The following FTCDNL1 variants were observed in gnomAD, a reference collection of about 807,000 sequenced individuals.
FTCDNL1 encodes formiminotransferase cyclodeaminase N-terminal like, also known as formiminotransferase N-terminal subdomain-containing protein.
A neutral mutation model predicts 5.9 loss-of-function variants in FTCDNL1; 11 were observed. The observed-to-expected ratio is 1.87, with a 90% CI of 1.18 to 3.10. FTCDNL1 has a LOEUF of 3.10. Ranked by LOEUF, FTCDNL1 falls within the 30% of genes most tolerant of loss-of-function variation. FTCDNL1 has a pLI of 0.00. For missense variants in FTCDNL1, 115 were observed against 65.5 expected (o/e 1.76, Z -2.61); for synonymous variants, 58 against 24.8 (o/e 2.34, Z -3.99).
chr2:199,835,230 T>C (rs1175546597), intron 3 of FTCDNL1, among the ~76,000 whole-genome samples: 2 of 152,154 alleles, frequency 1.3e-5, no homozygotes, highest in African/African-American at 2.4e-5. Flanking sequence ...ATTGTCACTA[T>C]AACAATCCTA....
intron 3 of FTCDNL1, among the ~76,000 whole-genome samples, chr2:199,778,820 A>G (rs1413434850): frequency 6.6e-5 from 10 of 152,216 alleles, no homozygotes; most frequent in South Asian, 2.1e-4. Flanking sequence ...TCCTGAAATG[A>G]TGACATTCTA....
chr2:199,733,142 G>A, the FTCDNL1 span, among the ~76,000 whole-genome samples: 1 of 152,202 alleles, frequency 6.6e-6, no homozygotes, highest in African/African-American at 2.4e-5. Context: ...AGCACAGAAT[G>A]ATGGAAAGGA....
chr2:199,760,212 A>C (rs1032124696), downstream of FTCDNL1, among the ~76,000 whole-genome samples: 5 of 145,698 alleles, frequency 3.4e-5, no homozygotes, highest in African/African-American at 1.2e-4. Flanking sequence ...GAACTAAAAA[A>C]AAAAAAACAA....
At chr2:199,699,163 A>G in the FTCDNL1 span, among the ~76,000 whole-genome samples, 1 of 152,184 alleles carries the variant, frequency 6.6e-6, no homozygotes, top group Non-Finnish European at 1.5e-5. Context: ...CAATGGATTC[A>G]CAGATGTATA....
chr2:199,807,006 A>T (rs1366042419), downstream of FTCDNL1, among the ~76,000 whole-genome samples: 4 of 152,356 alleles, frequency 2.6e-5, no homozygotes, highest in Non-Finnish European at 5.9e-5. Flanking sequence ...AGTAAGATTT[A>T]AAAAACAAAT....
chr2:199,816,360 T>C (rs1701352111), intron 4 of FTCDNL1, among the ~76,000 whole-genome samples: 1 of 152,166 alleles, frequency 6.6e-6, no homozygotes, highest in Non-Finnish European at 1.5e-5. Flanking sequence ...TGTGCTCCTT[T>C]TCCCTTCTTA....
chr2:199,780,806 C>G (rs900918551), intron 3 of FTCDNL1, among the ~76,000 whole-genome samples: 3 of 152,202 alleles, frequency 2.0e-5, no homozygotes, highest in Non-Finnish European at 4.4e-5. Context: ...CCACTGTCAC[C>G]ATTAAGTACC....
At chr2:199,695,306 AT>A in the FTCDNL1 span, among the ~76,000 whole-genome samples, 1 of 152,176 alleles carries the variant, frequency 6.6e-6, no homozygotes, top group South Asian at 2.1e-4. Flanking sequence ...TATATATCTA[AT>A]TTTTAAACAT....
intron 3 of FTCDNL1, among the ~76,000 whole-genome samples, chr2:199,831,273 T>G (rs1394363749): frequency 6.6e-6 from 1 of 152,232 alleles, no homozygotes; most frequent in Non-Finnish European, 1.5e-5. Flanking sequence ...ATAAAATTAA[T>G]CTGGAAAAAA....
the FTCDNL1 span, among the ~76,000 whole-genome samples, chr2:199,684,300 A>G: frequency 6.6e-6 from 1 of 152,190 alleles, no homozygotes; most frequent in Non-Finnish European, 1.5e-5. Flanking sequence ...ATTATTACCC[A>G]AGTAAGTTGA....
chr2:199,672,769 C>A, the FTCDNL1 span, among the ~76,000 whole-genome samples: 1 of 152,022 alleles, frequency 6.6e-6, no homozygotes, highest in Non-Finnish European at 1.5e-5. Flanking sequence ...TCTAACATAG[C>A]AGCCTGAGCC....
chr2:199,808,307 G>A (rs1405214008), downstream of FTCDNL1, among the ~76,000 whole-genome samples: 1 of 152,166 alleles, frequency 6.6e-6, no homozygotes, highest in Non-Finnish European at 1.5e-5. Context: ...ACTTAGTAAA[G>A]TTATCTTATT....
the FTCDNL1 span, among the ~76,000 whole-genome samples, chr2:199,694,135 C>G: frequency 6.6e-6 from 1 of 152,128 alleles, no homozygotes; most frequent in Non-Finnish European, 1.5e-5. Context: ...GCAAGTTGCC[C>G]TTGCCCCCTG....
At chr2:199,694,197 G>C in the FTCDNL1 span, among the ~76,000 whole-genome samples, 1 of 152,218 alleles carries the variant, frequency 6.6e-6, no homozygotes, top group Admixed American at 6.5e-5. Flanking sequence ...CTGGAAGGAT[G>C]TGAGACTCCT....
the FTCDNL1 span, among the ~76,000 whole-genome samples, chr2:199,680,165 T>C: frequency 6.6e-6 from 1 of 152,178 alleles, no homozygotes; most frequent in Non-Finnish European, 1.5e-5. Context: ...ATTAAATAAA[T>C]ACAGGTTGGA....
At chr2:199,702,352 T>A in the FTCDNL1 span, among the ~76,000 whole-genome samples, 3 of 152,094 alleles carry the variant, frequency 2.0e-5, no homozygotes, top group Middle Eastern at 3.2e-3. Context: ...AGTCATCACA[T>A]GGTAACAAAG....
chr2:199,715,689 A>C, the FTCDNL1 span, among the ~76,000 whole-genome samples: 1 of 152,218 alleles, frequency 6.6e-6, no homozygotes, highest in African/African-American at 2.4e-5. Flanking sequence ...CAACCCTATG[A>C]GGTGCAGAGC....
At chr2:199,789,131 G>A (rs1317130045) in intron 3 of FTCDNL1, among the ~76,000 whole-genome samples, 1 of 151,662 alleles carries the variant, frequency 6.6e-6, no homozygotes, top group Non-Finnish European at 1.5e-5. Flanking sequence ...GAAAGTTCTT[G>A]AATTTATTTT....
At chr2:199,753,693 C>G in the FTCDNL1 span, among the ~76,000 whole-genome samples, 3 of 152,126 alleles carry the variant, frequency 2.0e-5, no homozygotes, top group African/African-American at 7.2e-5. Context: ...GGTTTGTTGC[C>G]TCTCAAGAGG....
Sources: gnomAD v4.1 joint callset for allele counts (sites outside exome capture counted in the v4.1 genomes callset) on GRCh38, gnomAD v4.1.1 for gene constraint, MANE v1.5 for transcripts, NCBI Gene and HGNC (gene_info 2026-07-23, HGNC 2026-07-21) for gene names.